The following EDNRA variants were observed in gnomAD, a reference collection of about 807,000 sequenced individuals.
The protein encoded by EDNRA is endothelin-1 receptor.
Under a neutral mutation model 41.4 loss-of-function variants are expected in EDNRA, and 11 were observed. That is an observed-to-expected ratio of 0.27 (90% CI 0.17 to 0.44). The LOEUF (loss-of-function observed/expected upper bound fraction) is 0.44. Among genes scored for constraint, EDNRA ranks in the 20% least tolerant of loss-of-function variants. The pLI is 1.00. For missense variants in EDNRA, 294 were observed against 531.0 expected (o/e 0.55, Z 4.39); for synonymous variants, 172 against 183.0 (o/e 0.94, Z 0.49).
At chr4:147,517,097 T>G (rs1730143170) in intron 2 of EDNRA, among the ~76,000 whole-genome samples, 1 of 152,194 alleles carries the variant, frequency 6.6e-6, no homozygotes, top group African/African-American at 2.4e-5. Context: ...TTGGGGGCCT[T>G]GACTGGAAGG....
At chr4:147,533,315 T>G (rs891660665) in intron 4 of EDNRA, among the ~76,000 whole-genome samples, 2 of 152,214 alleles carry the variant, frequency 1.3e-5, no homozygotes, top group Non-Finnish European at 2.9e-5. Context: ...CACCTGACCA[T>G]ATTAATGTTT....
chr4:147,486,243 T>C lies in EDNRA; in HGVS notation c.420+142T>C. On this transcript the variant is annotated intron_variant, in intron 2 of 7. Transcript: ENST00000651419. The surrounding 1 kb of genome is among the most constrained non-coding windows in gnomAD (Gnocchi z 4.3). ...ATTTCTGCTGTCTTCTAACTACTAG[T>C]TTTAAGATTTACAAATTTTATTATC... The C allele has an allele frequency of 1.1e-6, 1 of 908,300 alleles. No individual in the cohort carries two copies. The highest frequency in any genetic ancestry group is 1.6e-6 in the Non-Finnish European group (1 of 621,158). 56.3% of individuals were successfully genotyped at this position (908,300 alleles called of 1,614,324 possible).
intron 2 of EDNRA, among the ~76,000 whole-genome samples, chr4:147,499,254 T>C (rs1729424687): frequency 6.6e-6 from 1 of 152,136 alleles, no homozygotes; most frequent in Admixed American, 6.5e-5. Flanking sequence ...TGGGGTCTCA[T>C]TATGTTGCCC....
At chr4:147,504,791 C>CAA (rs370758151) in intron 2 of EDNRA, among the ~76,000 whole-genome samples, 1,786 of 148,904 alleles carry the variant, frequency 0.012, 37 homozygotes, top group African/African-American at 0.042. Flanking sequence ...TCCATCTCTA[C>CAA]AAAAAAAAAT....
Position 147,543,642 on chromosome 4 carries a change from T to C in EDNRA, c.*1024T>C, listed in dbSNP as rs763312481. 2.0e-5 allele frequency: 3 copies of C among 152,290 alleles called. No homozygotes were observed. The highest frequency in any genetic ancestry group is 4.4e-5 in the Non-Finnish European group (3 of 68,038). The allele number at this position is 152,290 out of a possible 1,614,324, so 9.4% of individuals were successfully genotyped here. ...TCAGAAATTTTCATTCAGGTATTTG[T>C]AATAGTGACATATATATGTATATAC... On this transcript the variant is annotated 3_prime_UTR_variant, in exon 8 of 8. Transcript: ENST00000651419.
chr4:147,500,814 C>T (rs7660300), intron 2 of EDNRA, among the ~76,000 whole-genome samples: 1,826 of 151,552 alleles, frequency 0.012, 36 homozygotes, highest in African/African-American at 0.042. Context: ...ATTCTGCCAG[C>T]ACCCAGGTGA....
intron 5 of EDNRA, among the ~76,000 whole-genome samples, chr4:147,538,270 G>A (rs965283788): frequency 1.2e-4 from 19 of 152,136 alleles, no homozygotes; most frequent in East Asian, 3.9e-4. Context: ...AAAACAACCC[G>A]TCATGGGTGT....
chr4:147,515,472 A>G (rs991274902), intron 2 of EDNRA, among the ~76,000 whole-genome samples: 1 of 152,144 alleles, frequency 6.6e-6, no homozygotes, highest in African/African-American at 2.4e-5. Context: ...TCATTCTAAT[A>G]TACAGGCAAC....
At chr4:147,481,726 A>G (rs374745642) in intron 1 of EDNRA, among the ~76,000 whole-genome samples, 9 of 152,324 alleles carry the variant, frequency 5.9e-5, no homozygotes, top group Admixed American at 2.6e-4. Context: ...GAGGAACGCC[A>G]AGCTCTGTGG....
chr4:147,536,012 A>G lies in EDNRA; in HGVS notation c.883A>G (p.Ser295Gly). ...GAATGGCAGCTTGAGAATTGCCCTCAGTGAACATCTTAAGCAGGTAAATCC... is the reference window on the plus strand; with the variant it reads ...GAATGGCAGCTTGAGAATTGCCCTCGGTGAACATCTTAAGCAGGTAAATCC... ...RRNGSLRIAL[S>G]EHLKQRREVA... Residue 295 changes from serine (S) to glycine (G), a missense_variant, in exon 5 of 8, where the codon AGT (serine) becomes GGT (glycine). By Grantham distance (56) the Ser-to-Gly change is moderately conservative (BLOSUM62 0). Transcript: ENST00000651419. 2 of 1,614,040 alleles carry G rather than the reference A, an allele frequency of 1.2e-6. No individual in the cohort carries two copies. The highest frequency in any genetic ancestry group is 1.7e-6 in the Non-Finnish European group (2 of 1,179,904).
At chr4:147,494,547 G>A (rs779828334) in intron 2 of EDNRA, 2 of 152,708 alleles carry the variant, frequency 1.3e-5, no homozygotes, top group African/African-American at 2.4e-5. Flanking sequence ...GGAGGCCATC[G>A]TGGTTGAGTG....
rs199948683 is a variant in EDNRA, at chr4:147,542,507, C to G, written c.1173C>G (p.Ser391=). ...QSCLCCCCYQ[S]KSLMTSVPMN... The stretch of plus-strand genomic sequence containing the variant: ...GCCTCTGCTGCTGCTGTTACCAGTC[C>G]AAAAGTCTGATGACCTCGGTCCCCA... The change falls in exon 8 of 8, where the codon TCC becomes TCG. Residue 391 remains serine, a synonymous_variant. Transcript: ENST00000651419. The G allele has an allele frequency of 6.1e-5, 99 of 1,614,032 alleles. 1 individual carries two copies. Among genetic ancestry groups the G allele is most frequent in the Middle Eastern group, 4.9e-4 (3 of 6,084 alleles).
chr4:147,501,518 TC>T (rs1729516408), intron 2 of EDNRA, among the ~76,000 whole-genome samples: 1 of 152,170 alleles, frequency 6.6e-6, no homozygotes, highest in African/African-American at 2.4e-5. Context: ...ATTTCCCCAC[TC>T]CCACCCTCTA....
chr4:147,535,717 A>T (rs898969430), intron 4 of EDNRA, among the ~76,000 whole-genome samples, 160 bp from the exon 5 acceptor site: 2 of 152,158 alleles, frequency 1.3e-5, no homozygotes, highest in Non-Finnish European at 2.9e-5. Flanking sequence ...AACTGAATTG[A>T]GTTTTGAGCC....
chr4:147,487,828 A>G (rs976982986), intron 2 of EDNRA: 1 of 152,248 alleles, frequency 6.6e-6, no homozygotes, highest in African/African-American at 2.4e-5. Context: ...TTTCTATTAG[A>G]GCTTAAAATA....
At chr4:147,502,253 T>A (rs563860670) in intron 2 of EDNRA, among the ~76,000 whole-genome samples, 4 of 152,304 alleles carry the variant, frequency 2.6e-5, no homozygotes, top group African/African-American at 9.6e-5. Flanking sequence ...CAAGAAAGTA[T>A]CATAGAAAAT....
Position 147,535,160 on chromosome 4 carries a change from G to T in EDNRA, c.748-717G>T, listed in dbSNP as rs10305913. Among the ~76,000 whole-genome samples the T allele has an allele frequency of 3.5e-3, 528 of 152,248 alleles. 10 individuals carry two copies. Among genetic ancestry groups the T allele is most frequent in the Admixed American group, 0.03 (455 of 15,302 alleles). On this transcript the variant is annotated intron_variant, in intron 4 of 7. Transcript: ENST00000651419. ...ATTTTTCATTTTCCATTTTTATAGG[G>T]TATTAAGTTTTCTTCTTTAAGCAGA...
At position 147,519,067 on chromosome 4, in the gene EDNRA, A is replaced by G. The variant is rs1020073079; in HGVS notation, c.421-784A>G. ...GCAAACAAGGTTGGAAATTGTCAAC[A>G]TGGAAGAACAGATTTTTCTGCATGT... On this transcript the variant is annotated intron_variant, in intron 2 of 7. Coordinates refer to ENST00000651419, the MANE Select transcript of EDNRA (RefSeq NM_001957.4). The surrounding 1 kb of genome is among the most constrained non-coding windows in gnomAD (Gnocchi z 4.1). Among the ~76,000 whole-genome samples, 3 of 152,240 alleles carry G rather than the reference A, an allele frequency of 2.0e-5. No individual in the cohort carries two copies. The highest frequency in any genetic ancestry group is 1.9e-4 in the East Asian group (1 of 5,200).
Position 147,535,812 on chromosome 4 carries a change from C to T in EDNRA, c.748-65C>T, listed in dbSNP as rs1041138625. On this transcript the variant is annotated intron_variant, in intron 4 of 7. Coordinates refer to ENST00000651419, the MANE Select transcript of EDNRA (RefSeq NM_001957.4). ...TTAAAGACCTTAAAGCTACCAGAGGCACAGCATGGTTAATTGACATGACTC... is the reference window on the plus strand; with the variant it reads ...TTAAAGACCTTAAAGCTACCAGAGGTACAGCATGGTTAATTGACATGACTC... 2.5e-6 allele frequency: 4 copies of T among 1,579,284 alleles called. No homozygotes were observed. In the African/African-American group the frequency reaches 4.1e-5, roughly 16 times the overall value.
Sources: gnomAD v4.1 joint callset for allele counts (sites outside exome capture counted in the v4.1 genomes callset) on GRCh38, gnomAD v4.1.1 for gene constraint, Gnocchi (gnomAD v3.1) non-coding constraint, MANE v1.5 for transcripts, NCBI Gene and HGNC (gene_info 2026-07-23, HGNC 2026-07-21) for gene names.